Variants in PCDHA2 observed in about 807,000 individuals in gnomAD.
The protein encoded by PCDHA2 is protocadherin alpha 2.
A neutral mutation model predicts 66.0 loss-of-function variants in PCDHA2; 58 were observed. The ratio of observed to expected loss-of-function variants is 0.88; its 90% CI spans 0.71 to 1.09. The LOEUF (loss-of-function observed/expected upper bound fraction) is 1.09, where lower values mean the gene tolerates loss of function less well. Ranked by LOEUF, PCDHA2 falls within the 50% of genes least tolerant of loss-of-function variation. The probability of loss-of-function intolerance (pLI) is 0.00; values close to 1 mark genes in which losing one functional copy is unlikely to be tolerated. For synonymous variants in PCDHA2, 634 were observed against 554.0 expected (o/e 1.14, Z -2.03); for missense variants, 1,267 against 1,242.3 (o/e 1.02, Z -0.30).
Position 140,927,842 on chromosome 5 carries a change from T to C in PCDHA2, c.2389-51107T>C, listed in dbSNP as rs201721848. 1.9e-6 allele frequency: 3 copies of C among 1,614,140 alleles called. No individual in the cohort carries two copies. The African/African-American group carries it at 4.0e-5, about 22-fold the overall frequency. On this transcript the variant is annotated intron_variant, in intron 1 of 3. Transcript: ENST00000526136. ...TACATTGAGGCGAGGGACGAAGGTG[T>C]CTTTGGTTTAGCTAGCACCGCTAAA... is the stretch of plus-strand genomic sequence containing the variant.
At chr5:140,867,774 G>A (rs937544863) in intron 1 of PCDHA2, 2 of 151,934 alleles carry the variant, frequency 1.3e-5, no homozygotes, top group African/African-American at 4.8e-5. Flanking sequence ...ACTCTCATAA[G>A]CAATTCCTGT....
intron 1 of PCDHA2, chr5:140,862,573 G>A (rs1252034022): frequency 4.1e-6 from 2 of 484,618 alleles, no homozygotes; most frequent in East Asian, 1.1e-4. Context: ...CAATGCCCTG[G>A]CGTTCCAGCA....
chr5:140,877,144 G>C, intron 1 of PCDHA2: 2 of 1,613,772 alleles, frequency 1.2e-6, no homozygotes, highest in South Asian at 1.1e-5. Context: ...CGTGCTGGAC[G>C]AGAACGACAA....
chr5:140,877,434 C>T, intron 1 of PCDHA2: 1 of 1,613,804 alleles, frequency 6.2e-7, no homozygotes, highest in South Asian at 1.1e-5. Flanking sequence ...TGAAGGACCA[C>T]GGTGAGCCCG....
At position 140,966,988 on chromosome 5, in the gene PCDHA2, G is replaced by C. The variant is rs782004679; in HGVS notation, c.2389-11961G>C. 1.2e-5 allele frequency: 20 copies of C among 1,603,962 alleles called. No homozygotes were observed. The African/African-American group carries it at 2.1e-4, about 17-fold the overall frequency. Reference sequence around the variant, plus strand: ...GGCTTGAGCTGCGGCGCTTGGGGCCGGGTTGCTTGCGCATCAACCATCTGG... The same window carrying C: ...GGCTTGAGCTGCGGCGCTTGGGGCCCGGTTGCTTGCGCATCAACCATCTGG... On this transcript the variant is annotated intron_variant, in intron 1 of 3. Transcript: ENST00000526136.
chr5:140,838,117 TGTG>T (rs1554136891), intron 1 of PCDHA2, among the ~76,000 whole-genome samples: 5 of 149,868 alleles, frequency 3.3e-5, no homozygotes, highest in Non-Finnish European at 7.4e-5. Flanking sequence ...TGTGTGTGTG[TGTG>T]TGTGTGTGTG....
At chr5:140,808,541 G>C in intron 1 of PCDHA2, 4 of 1,614,166 alleles carry the variant, frequency 2.5e-6, no homozygotes, top group Non-Finnish European at 2.5e-6. Flanking sequence ...GAACGACAAC[G>C]CTCCGGCGTT....
At chr5:140,858,469 C>T (rs782532416) in intron 1 of PCDHA2, 2 of 1,520,006 alleles carry the variant, frequency 1.3e-6, no homozygotes, top group African/African-American at 1.4e-5. Context: ...TCCTTTTGTG[C>T]TTTATGAATA....
intron 3 of PCDHA2, among the ~76,000 whole-genome samples, chr5:141,000,399 A>ATT (rs2097917152): frequency 1.5e-5 from 1 of 66,842 alleles, no homozygotes; most frequent in Non-Finnish European, 2.7e-5. Context: ...CTCTCTCTAT[A>ATT]TATATATATA....
At position 140,802,912 on chromosome 5, in the gene PCDHA2, G is replaced by T. The variant is rs544698058; in HGVS notation, c.2388+5560G>T. On this transcript the variant is annotated intron_variant, in intron 1 of 3. Coordinates refer to ENST00000526136, the MANE Select transcript of PCDHA2 (RefSeq NM_018905.3). ...GCACTGCTGATGCCTCGGGTGGGTGGCATCGGTGGCGCAGTGAGCGAGCTG... is the reference window on the plus strand; with the variant it reads ...GCACTGCTGATGCCTCGGGTGGGTGTCATCGGTGGCGCAGTGAGCGAGCTG... The T allele has an allele frequency of 3.7e-6, 6 of 1,613,746 alleles. No individual in the cohort carries two copies. In the African/African-American group the frequency reaches 8.0e-5, roughly 21 times the overall value.
chr5:140,847,561 C>T (rs2150401906), intron 1 of PCDHA2: 1 of 148,992 alleles, frequency 6.7e-6, no homozygotes, highest in Non-Finnish European at 1.5e-5. Flanking sequence ...CAGAAATTGC[C>T]CCGAGTACTA....
intron 1 of PCDHA2, chr5:140,829,939 C>A (rs1375837368): frequency 6.2e-7 from 1 of 1,613,870 alleles, no homozygotes; most frequent in African/African-American, 1.3e-5. Context: ...CCCCGGCAAG[C>A]AGCGCTCGCT....
chr5:140,834,810 G>C (rs2150227216), intron 1 of PCDHA2: 6 of 1,612,624 alleles, frequency 3.7e-6, no homozygotes, highest in South Asian at 1.1e-5. Flanking sequence ...TCTGTTCATC[G>C]CGGAATCCAG....
At chr5:140,817,006 T>A (rs1766044039) in intron 1 of PCDHA2, 1 of 152,096 alleles carries the variant, frequency 6.6e-6, no homozygotes, top group South Asian at 2.1e-4. Context: ...CATTTTACTC[T>A]CTCTTTCCCT....
At chr5:140,902,551 C>G (rs1022882687) in intron 1 of PCDHA2, among the ~76,000 whole-genome samples, 1 of 151,956 alleles carries the variant, frequency 6.6e-6, no homozygotes, top group African/African-American at 2.4e-5. Context: ...CTTCTATACC[C>G]AGATTTTTGA....
At chr5:140,872,512 A>T (rs2053716713) in intron 1 of PCDHA2, among the ~76,000 whole-genome samples, 1 of 152,126 alleles carries the variant, frequency 6.6e-6, no homozygotes, top group Admixed American at 6.5e-5. Context: ...CTGTAGTCCC[A>T]GTTTCTTGGG....
At chr5:140,919,488 T>C (rs149191060) in intron 1 of PCDHA2, among the ~76,000 whole-genome samples, 58 of 152,320 alleles carry the variant, frequency 3.8e-4, no homozygotes, top group African/African-American at 1.3e-3. Context: ...TTTATGTTTG[T>C]TATTTTACTC....
chr5:140,797,752 G>A (rs1762259820), intron 1 of PCDHA2, among the ~76,000 whole-genome samples: 1 of 152,070 alleles, frequency 6.6e-6, no homozygotes, highest in Non-Finnish European at 1.5e-5. Flanking sequence ...CCAATCTGTC[G>A]GATAGTGTTT....
chr5:140,807,081 G>T, intron 1 of PCDHA2: 2 of 1,263,522 alleles, frequency 1.6e-6, no homozygotes, highest in Non-Finnish European at 2.2e-6. Flanking sequence ...TACACTCTTT[G>T]GAGTCTGAAA....
Sources: gnomAD v4.1 joint callset for allele counts (sites outside exome capture counted in the v4.1 genomes callset) on GRCh38, gnomAD v4.1.1 for gene constraint, MANE v1.5 for transcripts, NCBI Gene and HGNC (gene_info 2026-07-23, HGNC 2026-07-21) for gene names.